The following CARMIL1 variants were observed in gnomAD, a reference collection of about 807,000 sequenced individuals.
The protein encoded by CARMIL1 is F-actin-uncapping protein LRRC16A.
A neutral mutation model predicts 177.1 loss-of-function variants in CARMIL1; 90 were observed. The ratio of observed to expected loss-of-function variants is 0.51; its 90% CI spans 0.43 to 0.61. The LOEUF (loss-of-function observed/expected upper bound fraction) is 0.61. CARMIL1 is among the 20% of genes least tolerant of loss of function. The pLI is 0.00. For synonymous variants in CARMIL1, 577 were observed against 606.2 expected (o/e 0.95, Z 0.71); for missense variants, 1,380 against 1,667.0 (o/e 0.83, Z 3.00).
At chr6:25,428,779 A>G (rs1399463613) in intron 4 of CARMIL1, among the ~76,000 whole-genome samples, 1 of 152,242 alleles carries the variant, frequency 6.6e-6, no homozygotes, top group Middle Eastern at 3.4e-3. Context: ...ATATTTTTTG[A>G]TGCTACTATA....
At chr6:25,532,117 G>A (rs1189270307) in intron 24 of CARMIL1, among the ~76,000 whole-genome samples, 1 of 134,042 alleles carries the variant, frequency 7.5e-6, no homozygotes, top group Non-Finnish European at 1.6e-5. Flanking sequence ...CCTTTTTTTT[G>A]AGACAGAGTT....
intron 24 of CARMIL1, among the ~76,000 whole-genome samples, chr6:25,532,125 G>A (rs1442692877): frequency 1.4e-5 from 2 of 139,296 alleles, no homozygotes; most frequent in East Asian, 4.3e-4. Context: ...TTGAGACAGA[G>A]TTTCACTCTT....
At chr6:25,465,849 G>T (rs375260961) in intron 8 of CARMIL1, 24 bp from the exon 9 acceptor site, 1 of 1,472,554 alleles carries the variant, frequency 6.8e-7, no homozygotes, top group South Asian at 1.1e-5. Context: ...GCACTTTCAT[G>T]TACTTTGTTG....
intron 31 of CARMIL1, 123 bp from the exon 32 acceptor site, chr6:25,594,292 G>C: frequency 1.7e-6 from 1 of 595,716 alleles, no homozygotes; most frequent in East Asian, 2.9e-5. Flanking sequence ...TAGATTACGT[G>C]GTCCCTATTT....
At chr6:25,517,326 T>C (rs1454410937) in intron 21 of CARMIL1, 21 bp from the exon 22 acceptor site, 1 of 1,589,564 alleles carries the variant, frequency 6.3e-7, no homozygotes, top group African/African-American at 1.3e-5. Context: ...TGATCATTTA[T>C]GTGATTTGAT....
intron 1 of CARMIL1, among the ~76,000 whole-genome samples, chr6:25,281,136 G>GCGCTCA (rs10642536): frequency 7.6e-6 from 1 of 132,102 alleles, no homozygotes; most frequent in Non-Finnish European, 1.6e-5. Context: ...GTGCGCGCGC[G>GCGCTCA]CACACACACA....
chr6:25,334,964 C>T (rs529869067), intron 2 of CARMIL1, among the ~76,000 whole-genome samples: 27 of 152,310 alleles, frequency 1.8e-4, no homozygotes, highest in African/African-American at 6.5e-4. Context: ...TCTGTCATTT[C>T]GTCTTTGCTA....
chr6:25,340,688 G>A (rs997275461), intron 2 of CARMIL1, among the ~76,000 whole-genome samples: 2 of 150,884 alleles, frequency 1.3e-5, no homozygotes, highest in Non-Finnish European at 2.9e-5. Context: ...TACATGCTAC[G>A]AGGGGAAATC....
At chr6:25,342,532 G>C (rs78821885) in intron 2 of CARMIL1, among the ~76,000 whole-genome samples, 20 of 152,238 alleles carry the variant, frequency 1.3e-4, no homozygotes, top group African/African-American at 4.8e-4. Context: ...TTATTCTGAG[G>C]ATTAGTGAAA....
At chr6:25,567,361 A>C (rs1161039875) in intron 29 of CARMIL1, among the ~76,000 whole-genome samples, 2 of 152,224 alleles carry the variant, frequency 1.3e-5, no homozygotes, top group African/African-American at 2.4e-5. Context: ...ATACTAACCT[A>C]TGGTAGCAAA....
At chr6:25,334,310 G>A (rs903327702) in intron 2 of CARMIL1, among the ~76,000 whole-genome samples, 15 of 152,186 alleles carry the variant, frequency 9.9e-5, no homozygotes, top group African/African-American at 2.7e-4. Flanking sequence ...CACTTATACC[G>A]ATTAATTACT....
chr6:25,498,006 A>G lies in CARMIL1; in HGVS notation c.1326-2160A>G, dbSNP rs553948890. Among the ~76,000 whole-genome samples the G allele has an allele frequency of 3.0e-4, 46 of 152,228 alleles. No homozygotes were observed. In the South Asian group the frequency reaches 6.8e-3, roughly 23 times the overall value. On this transcript the variant is annotated intron_variant, in intron 16 of 36. Transcript: ENST00000329474. ...TAAAATTGCTAGAATAGTCTGGTTC[A>G]TATGTGTCCCAAGGATGCTCTTTGC...
At chr6:25,489,540 C>G (rs1366256244) in intron 13 of CARMIL1, among the ~76,000 whole-genome samples, 1 of 152,068 alleles carries the variant, frequency 6.6e-6, no homozygotes, top group African/African-American at 2.4e-5. Context: ...GCAAATGATC[C>G]CCTCTAGTCA....
At chr6:25,313,073 C>G (rs1286205279) in intron 2 of CARMIL1, among the ~76,000 whole-genome samples, 1 of 152,144 alleles carries the variant, frequency 6.6e-6, no homozygotes, top group Non-Finnish European at 1.5e-5. Context: ...AAACTCTTCT[C>G]CCAAATTGGC....
chr6:25,427,549 A>C (rs765156704), intron 4 of CARMIL1, among the ~76,000 whole-genome samples: 2 of 152,172 alleles, frequency 1.3e-5, no homozygotes, highest in Non-Finnish European at 2.9e-5. Context: ...TTGGACCTGT[A>C]CTTTCATTTC....
At chr6:25,350,644 T>C (rs1330205287) in intron 2 of CARMIL1, 1 of 152,206 alleles carries the variant, frequency 6.6e-6, no homozygotes, top group Non-Finnish European at 1.5e-5. Context: ...TAGTTATTCT[T>C]GACAAGGAGT....
chr6:25,565,654 G>A (rs900982035), intron 29 of CARMIL1, among the ~76,000 whole-genome samples: 2 of 152,122 alleles, frequency 1.3e-5, no homozygotes, highest in African/African-American at 4.8e-5. Flanking sequence ...AGACCATCCT[G>A]GTCAACATGG....
chr6:25,510,726 G>A lies in CARMIL1; in HGVS notation c.1596G>A (p.Leu532=). 1 of 1,548,034 alleles carries A rather than the reference G, an allele frequency of 6.5e-7. No individual in the cohort carries two copies. The highest frequency in any genetic ancestry group is 1.2e-5 in the South Asian group (1 of 83,944). Residue 532 remains leucine (L), a synonymous_variant, in exon 20 of 37, where the codon TTG becomes TTA. Transcript: ENST00000329474. The stretch of plus-strand genomic sequence containing the variant: ...TCTTTAGAAATCTGACACCTGTATT[G>A]GACAACTTAGTACAGATGATTCAAG... The part of the protein sequence containing the change: ...NMKSKNLTPV[L]DNLVQMIQDE...
intron 2 of CARMIL1, among the ~76,000 whole-genome samples, chr6:25,384,447 G>A (rs1791943290): frequency 1.3e-5 from 2 of 152,200 alleles, no homozygotes; most frequent in Admixed American, 1.3e-4. Flanking sequence ...GTGTACAATA[G>A]GTACTCAGGT....
Sources: allele counts gnomAD v4.1 joint callset (sites outside exome capture counted in the v4.1 genomes callset), GRCh38; gene constraint gnomAD v4.1.1; transcripts MANE v1.5; gene names NCBI Gene and HGNC (gene_info 2026-07-23, HGNC 2026-07-21).